ARHGEF38: variants seen among roughly 807,000 people sequenced by gnomAD.
ARHGEF38 encodes the protein Rho guanine nucleotide exchange factor (GEF) 38.
In ARHGEF38, 79 loss-of-function variants were observed where a neutral mutation model predicts 79.9. That is an observed-to-expected ratio of 0.99 (90% CI 0.82 to 1.19). The LOEUF (loss-of-function observed/expected upper bound fraction) is 1.19, where lower values mean the gene tolerates loss of function less well. ARHGEF38 is among the 50% of genes most tolerant of loss of function. The probability of loss-of-function intolerance (pLI) is 0.00; values close to 1 mark genes in which losing one functional copy is unlikely to be tolerated. For missense variants in ARHGEF38, 962 were observed against 907.2 expected (o/e 1.06, Z -0.78); for synonymous variants, 366 against 328.3 (o/e 1.11, Z -1.24).
intron 11 of ARHGEF38, 24 bp downstream of exon 11, chr4:105,666,344 AATG>A: frequency 6.7e-7 from 1 of 1,501,398 alleles, no homozygotes; most frequent in Non-Finnish European, 8.8e-7. Context: ...CATTCATGAC[AATG>A]ATAACTTTCA....
At chr4:105,617,697 A>G (rs997296271) in intron 3 of ARHGEF38, among the ~76,000 whole-genome samples, 5 of 152,206 alleles carry the variant, frequency 3.3e-5, no homozygotes, top group Non-Finnish European at 7.4e-5. Context: ...TGGAGAAAAT[A>G]ACTTCAATTT....
chr4:105,585,885 C>A (rs1727021449), intron 1 of ARHGEF38, among the ~76,000 whole-genome samples: 1 of 151,982 alleles, frequency 6.6e-6, no homozygotes, highest in Non-Finnish European at 1.5e-5. Context: ...GCATGTGCCA[C>A]CACACCCGGC....
chr4:105,659,367 T>A lies in ARHGEF38; in HGVS notation c.1545+2T>A, dbSNP rs760921258. The A allele has an allele frequency of 1.6e-5, 25 of 1,532,590 alleles. No individual in the cohort carries two copies. The South Asian group carries it at 3.0e-4, about 18-fold the overall frequency. The allele number at this position is 1,532,590 out of a possible 1,614,324, so 94.9% of individuals were successfully genotyped here. ...CAGGCTTACTCCACACTTGTGCCGGTAAGCACAGCACCAACACCTAGCTAG... is the reference window on the plus strand; with the variant it reads ...CAGGCTTACTCCACACTTGTGCCGGAAAGCACAGCACCAACACCTAGCTAG... On this transcript the variant is annotated splice_donor_variant, in intron 10 of 13. Coordinates refer to ENST00000420470, the MANE Select transcript of ARHGEF38 (RefSeq NM_001242729.2). LOFTEE classifies it high-confidence loss of function.
intron 7 of ARHGEF38, among the ~76,000 whole-genome samples, chr4:105,651,026 A>G (rs1430056502): frequency 6.6e-6 from 1 of 152,160 alleles, no homozygotes; most frequent in Non-Finnish European, 1.5e-5. Context: ...TCCCCCCCCA[A>G]GTCTTTGGGA....
intron 3 of ARHGEF38, among the ~76,000 whole-genome samples, chr4:105,619,393 C>T (rs1199854054): frequency 6.6e-6 from 1 of 152,036 alleles, no homozygotes; most frequent in Non-Finnish European, 1.5e-5. Flanking sequence ...TGACGGGAAA[C>T]ATAGAAGTAA....
At chr4:105,646,062 A>G (rs903023119) in intron 6 of ARHGEF38, among the ~76,000 whole-genome samples, 3 of 152,196 alleles carry the variant, frequency 2.0e-5, no homozygotes, top group Non-Finnish European at 2.9e-5. Flanking sequence ...GTGTTCACAT[A>G]AGTTCTTAGT....
At chr4:105,597,990 T>C (rs1329342641) in intron 2 of ARHGEF38, among the ~76,000 whole-genome samples, 1 of 152,154 alleles carries the variant, frequency 6.6e-6, no homozygotes, top group African/African-American at 2.4e-5. Flanking sequence ...CTTTACCTTG[T>C]TTACTCTCCC....
chr4:105,638,819 G>T (rs988156924), intron 5 of ARHGEF38, among the ~76,000 whole-genome samples: 1 of 151,990 alleles, frequency 6.6e-6, no homozygotes, highest in Non-Finnish European at 1.5e-5. Flanking sequence ...TATTCTGTCT[G>T]ATATATATGC....
Position 105,589,391 on chromosome 4 carries a change from G to C in ARHGEF38, c.340G>C (p.Glu114Gln). 1.9e-6 allele frequency: 3 copies of C among 1,613,920 alleles called. No homozygotes were observed. The highest frequency in any genetic ancestry group is 8.5e-7 in the Non-Finnish European group (1 of 1,179,966). ...AGAAAAGGATTATCTCAATGATCTA[G>C]AGCTGTGTGTTAGGGAAGTGGTTCA... is the stretch of plus-strand genomic sequence containing the variant. ...QTEKDYLNDL[E>Q]LCVREVVQPL... Residue 114 changes from glutamate to glutamine, a missense_variant, in exon 2 of 14, where the codon GAG becomes CAG. Glu to Gln is a conservative substitution (Grantham distance 29, BLOSUM62 2). Coordinates refer to ENST00000420470, the MANE Select transcript of ARHGEF38 (RefSeq NM_001242729.2).
At chr4:105,602,086 G>T (rs951902769) in intron 2 of ARHGEF38, among the ~76,000 whole-genome samples, 3 of 152,160 alleles carry the variant, frequency 2.0e-5, no homozygotes, top group African/African-American at 7.2e-5. Context: ...GATCCAGGAA[G>T]TCTTAGAGAA....
chr4:105,620,756 A>G (rs1370781953), intron 3 of ARHGEF38, among the ~76,000 whole-genome samples: 1 of 152,196 alleles, frequency 6.6e-6, no homozygotes, highest in African/African-American at 2.4e-5. Context: ...TAGAGTGAAC[A>G]GCAATGGCAG....
intron 1 of ARHGEF38, 116 bp from the exon 2 acceptor site, chr4:105,589,132 T>C: frequency 1.3e-6 from 1 of 758,398 alleles, no homozygotes; most frequent in Non-Finnish European, 2.1e-6. Context: ...GAAAACATCA[T>C]GAGGATACCT....
chr4:105,661,523 T>TA (rs1730563994), intron 10 of ARHGEF38, among the ~76,000 whole-genome samples: 2 of 149,552 alleles, frequency 1.3e-5, no homozygotes, highest in South Asian at 4.2e-4. Context: ...ATTATTGTTA[T>TA]AGCTATCCTA....
intron 2 of ARHGEF38, among the ~76,000 whole-genome samples, chr4:105,591,233 T>C (rs369280263): frequency 2.0e-5 from 3 of 151,990 alleles, no homozygotes; most frequent in Non-Finnish European, 4.4e-5. Flanking sequence ...GATTTTTTTG[T>C]TTTGTTTTGT....
intron 1 of ARHGEF38, among the ~76,000 whole-genome samples, chr4:105,566,841 C>T (rs1398975854): frequency 1.3e-5 from 2 of 151,846 alleles, no homozygotes; most frequent in Non-Finnish European, 2.9e-5. Context: ...GCAACCTCCA[C>T]CTCCCAGGTT....
At chr4:105,560,662 A>G (rs1415728619) in intron 1 of ARHGEF38, among the ~76,000 whole-genome samples, 1 of 152,220 alleles carries the variant, frequency 6.6e-6, no homozygotes, top group Non-Finnish European at 1.5e-5. Context: ...TCAGAGAATA[A>G]ATGAATAGTC....
Position 105,680,018 on chromosome 4 carries a change from A to C in ARHGEF38, c.*2081A>C. 1.0e-6 allele frequency: 1 copy of C among 992,892 alleles called. No homozygotes were observed. Among genetic ancestry groups the C allele is most frequent in the Non-Finnish European group, 1.6e-6 (1 of 618,408 alleles). The allele number at this position is 992,892 out of a possible 1,614,324, so 61.5% of individuals were successfully genotyped here. On this transcript the variant is annotated 3_prime_UTR_variant, in exon 14 of 14. Transcript: ENST00000420470. ...TTCTGTTTTGTGCGGATTCATGGCC[A>C]TGTCAGTTACATTCTTCTTCGTCTC...
intron 2 of ARHGEF38, among the ~76,000 whole-genome samples, chr4:105,609,729 G>A (rs1257052711): frequency 6.6e-6 from 1 of 152,030 alleles, no homozygotes; most frequent in African/African-American, 2.4e-5. Context: ...AATGTAATGG[G>A]AACTGGCTAT....
intron 2 of ARHGEF38, among the ~76,000 whole-genome samples, chr4:105,603,286 G>A (rs932966801): frequency 3.9e-5 from 6 of 152,030 alleles, no homozygotes; most frequent in African/African-American, 1.4e-4. Context: ...AGGAAACCAA[G>A]GAACAAAGAG....
Sources: allele counts gnomAD v4.1 joint callset (sites outside exome capture counted in the v4.1 genomes callset), GRCh38; gene constraint gnomAD v4.1.1; transcripts MANE v1.5; gene names NCBI Gene and HGNC (gene_info 2026-07-23, HGNC 2026-07-21).